TMEM242: variants seen among roughly 807,000 people sequenced by gnomAD.
TMEM242 encodes UPF0463 transmembrane protein C6orf35.
Under a neutral mutation model 18.2 loss-of-function variants are expected in TMEM242, and 10 were observed. That is an observed-to-expected ratio of 0.55 (90% confidence interval 0.34 to 0.93). The LOEUF is 0.93. Among genes scored for constraint, TMEM242 ranks in the 40% least tolerant of loss-of-function variants. TMEM242 has a pLI of 0.02. For synonymous variants in TMEM242, 57 were observed against 69.9 expected, an observed-to-expected ratio of 0.81 and a Z score of 0.92; for missense variants, 186 against 175.5, an observed-to-expected ratio of 1.06 and a Z score of -0.34.
intron 3 of TMEM242, among the ~76,000 whole-genome samples, chr6:157,312,543 T>C (rs1303019351): frequency 4.1e-5 from 2 of 48,740 alleles, no homozygotes; most frequent in African/African-American, 7.0e-5. Flanking sequence ...TGCACTCAGC[T>C]AGCCTCATCA....
intron 3 of TMEM242, among the ~76,000 whole-genome samples, chr6:157,304,766 G>A (rs1777887389): frequency 6.6e-6 from 1 of 152,212 alleles, no homozygotes; most frequent in Admixed American, 6.5e-5. Context: ...CTGGGTGGTG[G>A]GAATGAAGAC....
chr6:157,311,025 C>G (rs200703306), intron 3 of TMEM242, among the ~76,000 whole-genome samples: 3 of 129,628 alleles, frequency 2.3e-5, no homozygotes, highest in South Asian at 2.6e-4. Context: ...CACCTAGCCT[C>G]ATCATAGTGT....
At chr6:157,313,389 C>G (rs1159703990) in intron 3 of TMEM242, among the ~76,000 whole-genome samples, 16 of 5,702 alleles carry the variant, frequency 2.8e-3, no homozygotes, top group South Asian at 4.6e-3. Flanking sequence ...AGTGTACGCT[C>G]ACCGGGCCTT....
chr6:157,305,210 GGA>G lies in TMEM242; in HGVS notation c.328-12213_328-12212del, dbSNP rs1170745769. 5.3e-5 allele frequency among the ~76,000 whole-genome samples: 8 copies of G among 152,154 alleles called. No homozygotes were observed. Among genetic ancestry groups the G allele is most frequent in the African/African-American group, 1.7e-4 (7 of 41,440 alleles). ...CACTAGGCAACAGAGGAATGGATGT[GGA>G]GAGATGAAGGAGGCAGGCGGTGTTC... On this transcript the variant is annotated intron_variant, in intron 3 of 3. Transcript: ENST00000400788. This position sits in a 1 kb window ranked among gnomAD's most constrained non-coding sequence, Gnocchi z 4.1.
Position 157,318,894 on chromosome 6 carries a change from G to A in TMEM242, c.215C>T (p.Pro72Leu), listed in dbSNP as rs188548242. ...CAAGGCAAGGGAAGACCCGCTTTCC[G>A]GTAATGCAGCCGTGGCCATACTTCC... ...NKGSMATAALPESGSSLALRA... is the reference protein window; with the variant it reads ...NKGSMATAALLESGSSLALRA... Residue 72 changes from proline (P) to leucine (L), a missense_variant, in exon 3 of 4, where the codon CCG (proline) becomes CTG (leucine). Coordinates refer to ENST00000400788, the MANE Select transcript of TMEM242 (RefSeq NM_018452.6). 8.0e-5 allele frequency: 129 copies of A among 1,609,706 alleles called. 1 individual carries two copies. The Admixed American group carries it at 1.5e-3, about 19-fold the overall frequency.
intron 3 of TMEM242, among the ~76,000 whole-genome samples, chr6:157,304,201 C>T (rs782480579): frequency 2.0e-5 from 3 of 152,146 alleles, no homozygotes; most frequent in Middle Eastern, 3.4e-3. Flanking sequence ...CGCAGTGACT[C>T]GCACCTGTGA....
intron 3 of TMEM242, among the ~76,000 whole-genome samples, chr6:157,311,108 G>C (rs1778048812): frequency 7.1e-6 from 1 of 139,990 alleles, no homozygotes; most frequent in Non-Finnish European, 1.5e-5. Context: ...TAGTGTCCCA[G>C]TGTGCACTCA....
chr6:157,315,107 T>C (rs1321369022), intron 3 of TMEM242, among the ~76,000 whole-genome samples: 1 of 152,226 alleles, frequency 6.6e-6, no homozygotes, highest in African/African-American at 2.4e-5. Context: ...GAGACTGTTT[T>C]CTTAGTCATA....
In TMEM242 at chr6:157,299,853, G is replaced by C. The variant is rs797031479; in HGVS notation, c.328-6854C>G. 2.4e-5 allele frequency: 38 copies of C among 1,612,868 alleles called. No homozygotes were observed. In the African/African-American group the frequency reaches 4.0e-4, roughly 17 times the overall value. The stretch of plus-strand genomic sequence containing the variant: ...TCACCCTTCAGTTTGCCTTCATCAA[G>C]ATCCACAAGGGCAAGTTCATCACTC... On this transcript the variant is annotated intron_variant, in intron 3 of 3. Transcript: ENST00000400788.
At chr6:157,320,982 T>C (rs587670639) in intron 2 of TMEM242, among the ~76,000 whole-genome samples, 1 of 151,750 alleles carries the variant, frequency 6.6e-6, no homozygotes, top group Non-Finnish European at 1.5e-5. Flanking sequence ...ATGCTTTATG[T>C]ATTTATTTCC....
chr6:157,318,367 C>A (rs1778440785), intron 3 of TMEM242: 1 of 182,656 alleles, frequency 5.5e-6, no homozygotes, highest in Admixed American at 6.2e-5. Flanking sequence ...GTAGCTAGGA[C>A]TATAGGCGCA....
intron 3 of TMEM242, chr6:157,299,532 C>T (rs1777798805): frequency 3.4e-6 from 5 of 1,486,830 alleles, no homozygotes; most frequent in Non-Finnish European, 4.7e-6. Context: ...CAGCCGCTTC[C>T]AATAACACGG....
Position 157,300,304 on chromosome 6 carries a change from C to G in TMEM242, c.328-7305G>C, listed in dbSNP as rs1777812622. Among the ~76,000 whole-genome samples the G allele has an allele frequency of 2.0e-5, 3 of 152,256 alleles. No homozygotes were observed. In the South Asian group the frequency reaches 6.2e-4, roughly 31 times the overall value. ...TGCCAGCGCCTTCAACATGTACTTT[C>G]CGTTGGTGCTGAGACTAAGGCAGTG... On this transcript the variant is annotated intron_variant, in intron 3 of 3. Coordinates refer to ENST00000400788, the MANE Select transcript of TMEM242 (RefSeq NM_018452.6).
chr6:157,310,213 C>T (rs192363908), intron 3 of TMEM242, among the ~76,000 whole-genome samples: 12 of 152,324 alleles, frequency 7.9e-5, no homozygotes, highest in Admixed American at 2.6e-4. Context: ...GCTCTTGAGT[C>T]ACATGTAAAT....
intron 2 of TMEM242, among the ~76,000 whole-genome samples, chr6:157,322,053 A>G (rs1288548097): frequency 6.6e-6 from 1 of 152,206 alleles, no homozygotes; most frequent in Non-Finnish European, 1.5e-5. Flanking sequence ...AGGAAACTTG[A>G]CTTTTTATGA....
intron 3 of TMEM242, among the ~76,000 whole-genome samples, chr6:157,314,291 G>T (rs62422775): frequency 9.0e-5 from 8 of 88,906 alleles, no homozygotes; most frequent in African/African-American, 1.3e-4. Context: ...TCATAGTGTC[G>T]CAGTGTGCAC....
chr6:157,294,339 A>G (rs1478281315), intron 3 of TMEM242, among the ~76,000 whole-genome samples: 2 of 150,080 alleles, frequency 1.3e-5, no homozygotes, highest in Non-Finnish European at 3.0e-5. Context: ...GCAACATGCA[A>G]GTCATTTCTT....
intron 3 of TMEM242, among the ~76,000 whole-genome samples, chr6:157,310,933 C>A (rs1554248508): frequency 1.9e-4 from 29 of 151,146 alleles, no homozygotes; most frequent in South Asian, 6.2e-4. Context: ...CACCTAGCCT[C>A]ATCATAGTGC....
chr6:157,315,533 A>G (rs1554250236), intron 3 of TMEM242, among the ~76,000 whole-genome samples: 1 of 152,194 alleles, frequency 6.6e-6, no homozygotes, highest in African/African-American at 2.4e-5. Flanking sequence ...AGACATAAAG[A>G]TGTCAGGAAC....
Sources: allele counts gnomAD v4.1 joint callset (sites outside exome capture counted in the v4.1 genomes callset), GRCh38; gene constraint gnomAD v4.1.1; non-coding constraint Gnocchi (gnomAD v3.1); transcripts MANE v1.5; gene names NCBI Gene and HGNC (gene_info 2026-07-23, HGNC 2026-07-21).